The following ZNF385D variants were observed in gnomAD, a reference collection of about 807,000 sequenced individuals.
ZNF385D encodes zinc finger protein 385D.
In ZNF385D, 15 loss-of-function variants were observed where a neutral mutation model predicts 35.8. The ratio of observed to expected loss-of-function variants is 0.42; its 90% CI spans 0.28 to 0.64. The LOEUF (loss-of-function observed/expected upper bound fraction) is 0.64. ZNF385D is among the 30% of genes least tolerant of loss of function. The pLI is 0.23. For synonymous variants in ZNF385D, 212 were observed against 186.8 expected, an observed-to-expected ratio of 1.13 and a Z score of -1.10; for missense variants, 474 against 494.6, an observed-to-expected ratio of 0.96 and a Z score of 0.39.
intron 1 of ZNF385D, among the ~76,000 whole-genome samples, chr3:21,734,283 G>GA (rs1176920486): frequency 1.7e-5 from 1 of 58,274 alleles, no homozygotes; most frequent in Non-Finnish European, 4.1e-5. Context: ...AGAACACTCA[G>GA]GGTTTTTTTT....
Position 22,213,986 on chromosome 3 carries a change from G to T in ZNF385D, c.107-44951C>A, listed in dbSNP as rs41331851. On this transcript the variant is annotated intron_variant, in intron 2 of 5. Coordinates refer to the ZNF385D transcript ENST00000494108. The stretch of plus-strand genomic sequence containing the variant: ...TAAAGACCTATTCATCACACATGGG[G>T]TACATTTGCCATAGGTTGGACAGTT... Among the ~76,000 whole-genome samples the T allele has an allele frequency of 6.6e-3, 1,010 of 152,064 alleles. 12 individuals carry two copies. Among genetic ancestry groups the T allele is most frequent in the African/African-American group, 0.023 (947 of 41,526 alleles).
intron 2 of ZNF385D, among the ~76,000 whole-genome samples, chr3:21,659,527 G>A (rs1443431288): frequency 6.6e-6 from 1 of 152,014 alleles, no homozygotes; most frequent in Non-Finnish European, 1.5e-5. Context: ...CCAGAGTCCT[G>A]AGCAATGTCA....
At chr3:22,236,573 A>G (rs1559470751) in intron 2 of ZNF385D, among the ~76,000 whole-genome samples, 1 of 152,182 alleles carries the variant, frequency 6.6e-6, no homozygotes, top group Non-Finnish European at 1.5e-5. Context: ...ATCACTTACC[A>G]TAATATTCAC....
intron 2 of ZNF385D, among the ~76,000 whole-genome samples, chr3:22,202,872 T>C (rs1696895702): frequency 6.6e-6 from 1 of 152,078 alleles, no homozygotes; most frequent in Non-Finnish European, 1.5e-5. Flanking sequence ...GAATCACCCA[T>C]TCCATTGGTT....
At chr3:21,771,567 T>G (rs1575621603) in intron 3 of ZNF385D, among the ~76,000 whole-genome samples, 1 of 151,782 alleles carries the variant, frequency 6.6e-6, no homozygotes, top group African/African-American at 2.4e-5. Context: ...CACAATTACC[T>G]TAAAGATGCT....
chr3:22,030,343 G>A (rs1331585093), intron 3 of ZNF385D, among the ~76,000 whole-genome samples: 11 of 119,086 alleles, frequency 9.2e-5, no homozygotes, highest in African/African-American at 3.3e-4. Context: ...TGACTAATAT[G>A]GTTTAATTGA....
At chr3:21,781,024 C>T (rs2071468004) in intron 3 of ZNF385D, among the ~76,000 whole-genome samples, 1 of 151,948 alleles carries the variant, frequency 6.6e-6, no homozygotes, top group East Asian at 1.9e-4. Flanking sequence ...AGTTTTGGAT[C>T]CCCCATAATT....
intron 3 of ZNF385D, among the ~76,000 whole-genome samples, chr3:21,850,503 G>T (rs1238584803): frequency 2.0e-5 from 3 of 152,042 alleles, no homozygotes; most frequent in Non-Finnish European, 4.4e-5. Context: ...CAAAAGAAGG[G>T]ATTTACTTAG....
chr3:21,519,665 T>C (rs1707791454), intron 3 of ZNF385D, among the ~76,000 whole-genome samples: 1 of 152,158 alleles, frequency 6.6e-6, no homozygotes, highest in East Asian at 1.9e-4. Context: ...CTCAGTCCTT[T>C]TTGGAGCTTT....
At chr3:21,926,865 T>C (rs1000242884) in intron 3 of ZNF385D, among the ~76,000 whole-genome samples, 4 of 152,028 alleles carry the variant, frequency 2.6e-5, no homozygotes, top group African/African-American at 9.7e-5. Flanking sequence ...GAAAAGGCAA[T>C]CTACAGAATG....
At chr3:22,043,000 A>G (rs570343266) in intron 3 of ZNF385D, among the ~76,000 whole-genome samples, 25 of 152,268 alleles carry the variant, frequency 1.6e-4, no homozygotes, top group African/African-American at 6.0e-4. Context: ...ACCCAGTCAC[A>G]GACTGAAATG....
intron 4 of ZNF385D, among the ~76,000 whole-genome samples, chr3:21,495,036 G>T (rs1026159703): frequency 6.6e-6 from 1 of 152,078 alleles, no homozygotes; most frequent in Non-Finnish European, 1.5e-5. Context: ...GTACCATCCA[G>T]AGTGAAGATA....
At chr3:22,214,934 C>T (rs1272998132) in intron 2 of ZNF385D, among the ~76,000 whole-genome samples, 1 of 151,996 alleles carries the variant, frequency 6.6e-6, no homozygotes, top group Non-Finnish European at 1.5e-5. Context: ...ACACCCTCCC[C>T]TTTTGAAAAT....
intron 2 of ZNF385D, among the ~76,000 whole-genome samples, chr3:21,637,008 C>G (rs1045815531): frequency 6.6e-6 from 1 of 151,902 alleles, no homozygotes; most frequent in Admixed American, 6.6e-5. Flanking sequence ...AGTCCTTTGT[C>G]AGATGTATAG....
chr3:22,328,497 GCTCATGC>G (rs1213933716), intron 2 of ZNF385D, among the ~76,000 whole-genome samples: 3 of 152,160 alleles, frequency 2.0e-5, no homozygotes, highest in Admixed American at 1.3e-4. Context: ...GGGTGTGGTG[GCTCATGC>G]CTCTAATCCC....
chr3:21,866,149 C>G (rs1005667423), intron 3 of ZNF385D, among the ~76,000 whole-genome samples: 1 of 150,892 alleles, frequency 6.6e-6, no homozygotes, highest in Non-Finnish European at 1.5e-5. Context: ...TTTTATAAAT[C>G]TGGTATTAAA....
intron 2 of ZNF385D, among the ~76,000 whole-genome samples, chr3:21,614,645 G>C (rs973069774): frequency 6.6e-6 from 1 of 152,178 alleles, no homozygotes; most frequent in African/African-American, 2.4e-5. Context: ...CTGGAGTGCA[G>C]TGGCACGATC....
At chr3:21,849,497 C>G (rs997514265) in intron 3 of ZNF385D, among the ~76,000 whole-genome samples, 3 of 151,656 alleles carry the variant, frequency 2.0e-5, no homozygotes, top group Admixed American at 6.6e-5. Flanking sequence ...TAAAAGAAAG[C>G]TTCTAACATG....
chr3:22,087,335 C>T (rs989425134), intron 3 of ZNF385D, among the ~76,000 whole-genome samples: 1 of 151,858 alleles, frequency 6.6e-6, no homozygotes, highest in African/African-American at 2.4e-5. Flanking sequence ...TTTTTCTGAA[C>T]ACATGAACAC....
Sources: gnomAD v4.1 joint callset for allele counts (sites outside exome capture counted in the v4.1 genomes callset) on GRCh38, gnomAD v4.1.1 for gene constraint, MANE v1.5 for transcripts, NCBI Gene and HGNC (gene_info 2026-07-23, HGNC 2026-07-21) for gene names.